ROCK2: variants seen among roughly 807,000 people sequenced by gnomAD.
ROCK2 encodes the protein rho-associated protein kinase 2.
A neutral mutation model predicts 195.1 loss-of-function variants in ROCK2; 61 were observed. That is an observed-to-expected ratio of 0.31 (90% CI 0.25 to 0.39). The LOEUF is 0.39. ROCK2 is among the 10% of genes least tolerant of loss of function. ROCK2 has a pLI of 1.00. For missense variants in ROCK2, 1,109 were observed against 1,637.4 expected, an observed-to-expected ratio of 0.68 and a Z score of 5.57; for synonymous variants, 504 against 545.5, an observed-to-expected ratio of 0.92 and a Z score of 1.06.
At chr2:11,328,302 A>AT (rs200640491) in intron 1 of ROCK2, among the ~76,000 whole-genome samples, 3,439 of 152,148 alleles carry the variant, frequency 0.023, 60 homozygotes, top group East Asian at 0.052. Flanking sequence ...AATATGCTAC[A>AT]TTTGGGGGGG....
chr2:11,245,501 A>G (rs1665581390), intron 4 of ROCK2, among the ~76,000 whole-genome samples: 1 of 152,208 alleles, frequency 6.6e-6, no homozygotes, highest in South Asian at 2.1e-4. Context: ...ACTTGTAAAG[A>G]AAAATTTTTT....
At chr2:11,257,177 G>A (rs1431399951) in intron 3 of ROCK2, among the ~76,000 whole-genome samples, 1 of 151,532 alleles carries the variant, frequency 6.6e-6, no homozygotes, top group Non-Finnish European at 1.5e-5. Context: ...GGAGGAGCAG[G>A]GGCTGGTATG....
intron 1 of ROCK2, among the ~76,000 whole-genome samples, 196 bp from the exon 2 acceptor site, chr2:11,287,932 CT>C (rs1244595813): frequency 1.3e-5 from 2 of 152,130 alleles, no homozygotes; most frequent in Non-Finnish European, 2.9e-5. Flanking sequence ...AGGACTGCCC[CT>C]ATCATGTTTT....
At chr2:11,249,412 T>G (rs1414872846) in intron 4 of ROCK2, among the ~76,000 whole-genome samples, 3 of 152,230 alleles carry the variant, frequency 2.0e-5, no homozygotes, top group African/African-American at 7.2e-5. Flanking sequence ...AAGCCAATTC[T>G]TTATCAAGAA....
intron 3 of ROCK2, among the ~76,000 whole-genome samples, chr2:11,277,272 C>G (rs1469082411): frequency 6.6e-6 from 1 of 152,208 alleles, no homozygotes; most frequent in Admixed American, 6.5e-5. Flanking sequence ...CACTGCCCCA[C>G]AAATCCGCTG....
At chr2:11,248,480 G>C (rs1027971507) in intron 4 of ROCK2, among the ~76,000 whole-genome samples, 1 of 151,954 alleles carries the variant, frequency 6.6e-6, no homozygotes, top group Admixed American at 6.6e-5. Context: ...GGCTAAGGCA[G>C]GCACATCACT....
At chr2:11,233,521 A>G (rs1213566405) in intron 5 of ROCK2, among the ~76,000 whole-genome samples, 6 of 152,186 alleles carry the variant, frequency 3.9e-5, no homozygotes, top group African/African-American at 1.4e-4. Context: ...CCCTGTAAGC[A>G]TATACATGGG....
chr2:11,333,362 A>G (rs1041978185), intron 1 of ROCK2, among the ~76,000 whole-genome samples: 4 of 152,170 alleles, frequency 2.6e-5, no homozygotes, highest in Non-Finnish European at 5.9e-5. Context: ...CCAATATGAA[A>G]GGCTTATTAC....
intron 1 of ROCK2, among the ~76,000 whole-genome samples, chr2:11,293,630 C>T (rs903604834): frequency 1.5e-4 from 23 of 152,130 alleles, no homozygotes; most frequent in Admixed American, 3.9e-4. Flanking sequence ...CAGTACTCTT[C>T]CTGATTTTGC....
intron 1 of ROCK2, among the ~76,000 whole-genome samples, chr2:11,323,807 C>T (rs1397344676): frequency 1.3e-5 from 2 of 152,116 alleles, no homozygotes; most frequent in African/African-American, 2.4e-5. Flanking sequence ...CAGAATGATA[C>T]GTTTGTTACA....
At chr2:11,190,286 T>C (rs16857265) in intron 32 of ROCK2, among the ~76,000 whole-genome samples, 11,365 of 151,758 alleles carry the variant, frequency 0.075, 625 homozygotes, top group African/African-American at 0.15. Context: ...AAATCCTTAC[T>C]ACTTACCGTT....
At chr2:11,327,114 TG>T (rs564152118) in intron 1 of ROCK2, among the ~76,000 whole-genome samples, 249 of 152,310 alleles carry the variant, frequency 1.6e-3, no homozygotes, top group Admixed American at 2.4e-3. Flanking sequence ...CTTTTTTTGT[TG>T]GCCAAAGAGA....
chr2:11,249,574 A>G, intron 4 of ROCK2, 87 bp downstream of exon 4: 3 of 1,074,056 alleles, frequency 2.8e-6, no homozygotes, highest in East Asian at 2.8e-5. Context: ...TAAATGAAGC[A>G]TAAGACTTGG....
chr2:11,315,412 A>G (rs1438178743), intron 1 of ROCK2, among the ~76,000 whole-genome samples: 1 of 152,054 alleles, frequency 6.6e-6, no homozygotes, highest in Non-Finnish European at 1.5e-5. Context: ...GAAATAAACT[A>G]TGAGATGAAT....
rs148591129 is a variant in ROCK2 at position 11,249,786 on chromosome 2, C to T, written c.337G>A (p.Ala113Thr). 6 of 1,526,190 alleles carry T rather than the reference C, an allele frequency of 3.9e-6. No individual in the cohort carries two copies. The highest frequency in any genetic ancestry group is 1.4e-5 in the South Asian group (1 of 70,508). 94.5% of individuals were successfully genotyped at this position (1,526,190 alleles called of 1,614,324 possible). A position where few individuals can be genotyped will look rare whatever the true frequency, so the allele number is the denominator to read the frequency against. The change falls in exon 4 of 33, where the codon GCA (alanine) becomes ACA (threonine). Residue 113 changes from alanine (A) to threonine (T), a missense_variant. By Grantham distance (58) the Ala-to-Thr change is moderately conservative. Around this residue, in one of 6 missense-constraint regions of ROCK2, gnomAD observed 253 missense variants for 455.5 expected, o/e 0.56. Coordinates refer to ENST00000315872, the MANE Select transcript of ROCK2 (RefSeq NM_004850.5). ...FGEVQLVRHK[A>T]SQKVYAMKLL... ...TTCATAGCATAAACCTTCTGCGATG[C>T]CTTGTGACGAACCTGTTGATTTTTG...
intron 32 of ROCK2, among the ~76,000 whole-genome samples, chr2:11,186,328 G>A (rs1218177532): frequency 6.6e-6 from 1 of 152,162 alleles, no homozygotes. Context: ...CTTTAGCATA[G>A]GTTAGGAGAA....
chr2:11,231,795 T>C (rs1240117609), intron 5 of ROCK2, among the ~76,000 whole-genome samples: 1 of 152,220 alleles, frequency 6.6e-6, no homozygotes, highest in Non-Finnish European at 1.5e-5. Context: ...TTAATTCTGA[T>C]AGTGACAAAT....
intron 1 of ROCK2, among the ~76,000 whole-genome samples, chr2:11,331,455 G>T (rs1668762252): frequency 6.6e-6 from 1 of 152,158 alleles, no homozygotes. Context: ...ACTAGTAACT[G>T]TTTTAACAGA....
chr2:11,301,919 G>A (rs1005256393), intron 1 of ROCK2, among the ~76,000 whole-genome samples: 35 of 151,438 alleles, frequency 2.3e-4, no homozygotes, highest in Admixed American at 1.1e-3. Context: ...ACGGAGTTTC[G>A]CTCAGCCTCC....
Sources: allele counts gnomAD v4.1 joint callset (sites outside exome capture counted in the v4.1 genomes callset), GRCh38; gene constraint gnomAD v4.1.1; regional missense constraint gnomAD v4.1.1; transcripts MANE v1.5; gene names NCBI Gene and HGNC (gene_info 2026-07-23, HGNC 2026-07-21).